BBS9: variants seen among roughly 807,000 people sequenced by gnomAD.
BBS9 encodes the protein Bardet-Biedl syndrome 9.
Under a neutral mutation model 117.7 loss-of-function variants are expected in BBS9, and 89 were observed. The observed-to-expected ratio is 0.76, with a 90% confidence interval of 0.64 to 0.90. BBS9 has a LOEUF of 0.90. BBS9 is among the 40% of genes least tolerant of loss of function. The probability of loss-of-function intolerance (pLI) is 0.00; values close to 1 mark genes in which losing one functional copy is unlikely to be tolerated. For missense variants in BBS9, 982 were observed against 1,042.2 expected, an observed-to-expected ratio of 0.94 and a Z score of 0.80; for synonymous variants, 379 against 370.9, an observed-to-expected ratio of 1.02 and a Z score of -0.25.
chr7:33,268,608 C>G (rs1799215707), intron 7 of BBS9, among the ~76,000 whole-genome samples: 1 of 152,196 alleles, frequency 6.6e-6, no homozygotes, highest in African/African-American at 2.4e-5. Context: ...AAATCATTTC[C>G]TTATTACTCC....
intron 19 of BBS9, among the ~76,000 whole-genome samples, chr7:33,417,889 G>A (rs1419927): frequency 0.61 from 92,637 of 151,974 alleles, 28,544 homozygotes; most frequent in African/African-American, 0.69. Context: ...GACTTGCTAC[G>A]TTCACTTTTT....
intron 21 of BBS9, among the ~76,000 whole-genome samples, chr7:33,548,809 C>T (rs1475227854): frequency 2.0e-5 from 3 of 150,552 alleles, no homozygotes; most frequent in Non-Finnish European, 4.4e-5. Context: ...ATTCCATGCT[C>T]ATGGGTAGGA....
At chr7:33,344,916 T>C (rs541249240) in intron 12 of BBS9, among the ~76,000 whole-genome samples, 1 of 152,348 alleles carries the variant, frequency 6.6e-6, no homozygotes, top group South Asian at 2.1e-4. Flanking sequence ...GCTTTTTTCT[T>C]TGGAAATAAA....
intron 7 of BBS9, among the ~76,000 whole-genome samples, chr7:33,268,250 T>G (rs897689150): frequency 6.6e-6 from 1 of 152,244 alleles, no homozygotes; most frequent in African/African-American, 2.4e-5. Flanking sequence ...CAGTAAGTAC[T>G]CAGCTGAATA....
chr7:33,346,449 G>T (rs1817612803), intron 12 of BBS9: 2 of 194,606 alleles, frequency 1.0e-5, no homozygotes, highest in South Asian at 8.7e-5. Flanking sequence ...ATTTCCTAAG[G>T]GTTATATTTC....
At chr7:33,403,875 C>T (rs1051434866) in intron 19 of BBS9, among the ~76,000 whole-genome samples, 1 of 152,022 alleles carries the variant, frequency 6.6e-6, no homozygotes, top group East Asian at 1.9e-4. Flanking sequence ...GTTCTAGATC[C>T]CTGAGGAATC....
chr7:33,441,400 T>C (rs1426828828), intron 19 of BBS9, among the ~76,000 whole-genome samples: 1 of 152,226 alleles, frequency 6.6e-6, no homozygotes, highest in African/African-American at 2.4e-5. Context: ...GACGCTAGAT[T>C]GATTTGCAAA....
At chr7:33,379,102 T>C (rs1331595645) in intron 17 of BBS9, among the ~76,000 whole-genome samples, 1 of 152,258 alleles carries the variant, frequency 6.6e-6, no homozygotes, top group South Asian at 2.1e-4. Context: ...AACTGCTTAC[T>C]GCACTTCAGA....
chr7:33,463,554 A>T (rs919487976), intron 19 of BBS9, among the ~76,000 whole-genome samples: 1 of 152,108 alleles, frequency 6.6e-6, no homozygotes, highest in Non-Finnish European at 1.5e-5. Flanking sequence ...GTGAGCCAGG[A>T]TGTGCTTTTA....
At chr7:33,436,860 A>G (rs542596472) in intron 19 of BBS9, among the ~76,000 whole-genome samples, 1 of 152,332 alleles carries the variant, frequency 6.6e-6, no homozygotes, top group African/African-American at 2.4e-5. Context: ...ATTATCTTGA[A>G]TTTACTTAAG....
chr7:33,446,743 G>A (rs1219218321), intron 19 of BBS9, among the ~76,000 whole-genome samples: 2 of 152,318 alleles, frequency 1.3e-5, no homozygotes, highest in East Asian at 1.9e-4. Flanking sequence ...ATGCTATGGA[G>A]TGAGTAGTGA....
chr7:33,268,651 A>G (rs979690250), intron 7 of BBS9, among the ~76,000 whole-genome samples: 1 of 151,174 alleles, frequency 6.6e-6, no homozygotes, highest in Non-Finnish European at 1.5e-5. Flanking sequence ...TTTTTTTTTT[A>G]TTATTGTTCT....
At chr7:33,364,624 C>T (rs1419722610) in intron 16 of BBS9, among the ~76,000 whole-genome samples, 2 of 122,576 alleles carry the variant, frequency 1.6e-5, no homozygotes, top group Non-Finnish European at 3.4e-5. Flanking sequence ...TCCCCCTTCC[C>T]CCTCCTCTCC....
chr7:33,460,256 A>G (rs1050610906), intron 19 of BBS9, among the ~76,000 whole-genome samples: 7 of 152,108 alleles, frequency 4.6e-5, no homozygotes, highest in Non-Finnish European at 7.4e-5. Flanking sequence ...TAATGTTCAT[A>G]TCTCTGTAGA....
At chr7:33,562,145 C>G (rs892646997) in intron 21 of BBS9, among the ~76,000 whole-genome samples, 1 of 152,110 alleles carries the variant, frequency 6.6e-6, no homozygotes, top group Admixed American at 6.5e-5. Context: ...TCTGCCTTTC[C>G]TATAACTGTG....
At chr7:33,188,080 ATGTGTGTGTGTG>A (rs145485929) in intron 5 of BBS9, among the ~76,000 whole-genome samples, 1 of 73,070 alleles carries the variant, frequency 1.4e-5, no homozygotes, top group South Asian at 6.7e-4. Context: ...AGTTGAGTGA[ATGTGTGTGTGTG>A]TGTGTGTGTG....
chr7:33,304,571 C>T (rs1807451138), intron 9 of BBS9, among the ~76,000 whole-genome samples: 2 of 152,166 alleles, frequency 1.3e-5, no homozygotes, highest in Admixed American at 6.5e-5. Flanking sequence ...AGCGCCTCTG[C>T]CTGGCTGCTG....
intron 19 of BBS9, among the ~76,000 whole-genome samples, chr7:33,412,259 G>A (rs991118140): frequency 2.6e-5 from 4 of 152,122 alleles, no homozygotes; most frequent in Non-Finnish European, 5.9e-5. Flanking sequence ...TGGATTTTCA[G>A]TCTGTTTTTA....
chr7:33,147,040 G>T (rs921527087), intron 2 of BBS9, among the ~76,000 whole-genome samples: 1 of 152,088 alleles, frequency 6.6e-6, no homozygotes, highest in Admixed American at 6.6e-5. Flanking sequence ...ATTGGACCTG[G>T]AAACCATTCA....
Sources: allele counts gnomAD v4.1 joint callset (sites outside exome capture counted in the v4.1 genomes callset), GRCh38; gene constraint gnomAD v4.1.1; transcripts MANE v1.5; gene names NCBI Gene and HGNC (gene_info 2026-07-23, HGNC 2026-07-21).